Variants in RRP1 observed in about 807,000 individuals in gnomAD.
The protein encoded by RRP1 is ribosomal RNA processing protein 1 homolog A.
RRP1 carries 37 observed loss-of-function variants against 54.6 expected under a neutral mutation model. That is an observed-to-expected ratio of 0.68 (90% CI 0.52 to 0.89). The LOEUF (loss-of-function observed/expected upper bound fraction) is 0.89, where lower values mean the gene tolerates loss of function less well. Among genes scored for constraint, RRP1 ranks in the 40% least tolerant of loss-of-function variants. The probability of loss-of-function intolerance (pLI) is 0.00; values close to 1 mark genes in which losing one functional copy is unlikely to be tolerated. For synonymous variants in RRP1, 262 were observed against 244.3 expected, an observed-to-expected ratio of 1.07 and a Z score of -0.67; for missense variants, 639 against 612.5, an observed-to-expected ratio of 1.04 and a Z score of -0.46.
chr21:43,791,008 A>G (rs1378413808), intron 1 of RRP1: 10 of 474,334 alleles, frequency 2.1e-5, no homozygotes, highest in Admixed American at 2.1e-4. Context: ...ATGAATTATC[A>G]CCAACAGATT....
At chr21:43,802,191 G>C (rs2085100740) in intron 11 of RRP1, 83 bp from the exon 12 acceptor site, 14 of 955,066 alleles carry the variant, frequency 1.5e-5, no homozygotes, top group African/African-American at 3.2e-5. Flanking sequence ...GGTGGTGCTG[G>C]CTGGGGCCTG....
intron 5 of RRP1, among the ~76,000 whole-genome samples, chr21:43,797,193 G>T (rs1296233003): frequency 1.3e-5 from 2 of 152,186 alleles, no homozygotes. Context: ...ATACGTTCTG[G>T]TGGTGGTGCT....
chr21:43,803,528 G>GC lies in RRP1; in HGVS notation c.1145dup (p.Ser383GlufsTer26). On this transcript the variant is annotated frameshift_variant, in exon 13 of 13. Coordinates refer to ENST00000497547, the MANE Select transcript of RRP1 (RefSeq NM_003683.6). LOFTEE classifies it low-confidence loss of function (END_TRUNC). ...TTTTGTCAGGGAAAGGTGAGAAGGAGCCCCCGAGCCCGGGCATGGAGAGGA... is the reference window on the plus strand; with the variant it reads ...TTTTGTCAGGGAAAGGTGAGAAGGAGCCCCCCGAGCCCGGGCATGGAGAGGA... The GC allele has an allele frequency of 6.4e-7, 1 of 1,556,168 alleles. No individual in the cohort carries two copies. Among genetic ancestry groups the GC allele is most frequent in the Non-Finnish European group, 8.7e-7 (1 of 1,149,034 alleles).
intron 1 of RRP1, chr21:43,790,670 C>T: frequency 4.3e-6 from 1 of 234,112 alleles, no homozygotes; most frequent in Non-Finnish European, 8.6e-6. Context: ...TCACTGCAGC[C>T]TCTACCTCCC....
intron 1 of RRP1, chr21:43,791,103 T>C (rs1044474053): frequency 1.7e-6 from 1 of 602,536 alleles, no homozygotes; most frequent in Admixed American, 2.1e-5. Flanking sequence ...CCTGATACCT[T>C]GTAGATCTCA....
At chr21:43,803,153 G>T (rs1273854640) in intron 12 of RRP1, among the ~76,000 whole-genome samples, 2 of 152,200 alleles carry the variant, frequency 1.3e-5, no homozygotes, top group African/African-American at 2.4e-5. Flanking sequence ...TTTGTAGCCG[G>T]CCCTTGGCTG....
At chr21:43,795,310 T>C in intron 5 of RRP1, 60 bp downstream of exon 5, 1 of 1,514,550 alleles carries the variant, frequency 6.6e-7, no homozygotes, top group African/African-American at 1.4e-5. Flanking sequence ...CAGTCGTGTT[T>C]GTCATTTGAT....
At chr21:43,800,459 C>T in intron 9 of RRP1, 58 bp from the exon 10 acceptor site, 4 of 1,551,832 alleles carry the variant, frequency 2.6e-6, no homozygotes, top group Non-Finnish European at 3.6e-6. Context: ...GTTCCACGTT[C>T]TCGGAGCACG....
intron 3 of RRP1, 179 bp from the exon 4 acceptor site, chr21:43,793,140 C>T (rs561481301): frequency 3.2e-6 from 2 of 616,968 alleles, no homozygotes; most frequent in Admixed American, 3.0e-5. Context: ...TGAGGAGCCT[C>T]TAAAAATCCT....
chr21:43,797,669 C>A lies in RRP1; in HGVS notation c.591C>A (p.Phe197Leu). The A allele has an allele frequency of 6.2e-7, 1 of 1,614,110 alleles. No individual in the cohort carries two copies. Residue 197 changes from phenylalanine to leucine, a missense_variant, in exon 7 of 13, where the codon TTC (phenylalanine) becomes TTA (leucine). Physicochemically the swap from Phe to Leu is conservative, Grantham distance 22 (BLOSUM62 0). Transcript: ENST00000497547. ...ADQNLKFIDP[F>L]CRIAARTKDS... is the part of the protein sequence containing the mutation. ...AGAACCTGAAGTTCATCGACCCCTT[C>A]TGCAGAATTGCTGCCCGGACCAAGG... is the stretch of plus-strand genomic sequence containing the variant.
intron 8 of RRP1, 83 bp from the exon 9 acceptor site, chr21:43,799,487 C>A: frequency 7.4e-7 from 1 of 1,343,176 alleles, no homozygotes. Context: ...CCAGGGTGCA[C>A]GGAGCGGGCT....
chr21:43,802,244 G>T, intron 11 of RRP1, 30 bp from the exon 12 acceptor site: 2 of 1,549,640 alleles, frequency 1.3e-6, no homozygotes, highest in South Asian at 1.1e-5. Flanking sequence ...CAGCCCCCGA[G>T]AGCCCCCTGA....
Position 43,793,394 on chromosome 21 carries a change from A to G in RRP1, c.350A>G (p.Lys117Arg), listed in dbSNP as rs761572987. 1.1e-5 allele frequency: 17 copies of G among 1,613,454 alleles called. No homozygotes were observed. Among genetic ancestry groups the G allele is most frequent in the African/African-American group, 1.3e-5 (1 of 75,042 alleles). The change falls in exon 4 of 13, where the codon AAA (lysine) becomes AGA (arginine). Residue 117 changes from lysine to arginine, a missense_variant. Transcript: ENST00000497547. ...WTGIDRLRLD[K>R]FYMLMRMVLN... ...GGCATTGACAGGCTGCGCCTGGATA[A>G]ATTCTACATGGTGAGGCAGCCACCA... is the stretch of plus-strand genomic sequence containing the variant.
In RRP1 at chr21:43,797,340, G is replaced by A. The variant is rs1385606231; in HGVS notation, c.423-82G>A. On this transcript the variant is annotated intron_variant, in intron 5 of 12. Transcript: ENST00000497547. ...CCCGCACTTAGGTTCCCATCAGAGC[G>A]TGTAACCATGGGAGAGTGGGGGGCA... 1.8e-5 allele frequency: 28 copies of A among 1,525,632 alleles called. No homozygotes were observed. In the East Asian group the frequency reaches 3.9e-4, roughly 21 times the overall value. 94.5% of individuals were successfully genotyped at this position (1,525,632 alleles called of 1,614,324 possible). A position where few individuals can be genotyped will look rare whatever the true frequency, so the allele number is the denominator to read the frequency against.
At chr21:43,796,042 G>C (rs2085015549) in intron 5 of RRP1, among the ~76,000 whole-genome samples, 1 of 152,072 alleles carries the variant, frequency 6.6e-6, no homozygotes, top group Non-Finnish European at 1.5e-5. Flanking sequence ...TGGGTTAAGG[G>C]GATCTCTTGA....
At position 43,789,579 on chromosome 21, in the gene RRP1, TGTGCTGGGTACCAGGCGACTCCGG is replaced by T; in HGVS notation, c.-49_-26del. ...GCGGGCGCAGGAGGCGCGTGCTCAG[TGTGCTGGGTACCAGGCGACTCCGG>T]GACAGGGGGTCTCGGCCGTCGGCGT... On this transcript the variant is annotated 5_prime_UTR_variant, in exon 1 of 13. Coordinates refer to ENST00000497547, the MANE Select transcript of RRP1 (RefSeq NM_003683.6). The T allele has an allele frequency of 5.2e-6, 8 of 1,549,302 alleles. No individual in the cohort carries two copies. Among genetic ancestry groups the T allele is most frequent in the Non-Finnish European group, 6.9e-6 (8 of 1,151,322 alleles).
At chr21:43,791,252 A>G in intron 1 of RRP1, 98 bp from the exon 2 acceptor site, 2 of 1,257,924 alleles carry the variant, frequency 1.6e-6, no homozygotes, top group Middle Eastern at 1.9e-4. Context: ...CGTAAGTGGG[A>G]CTTTGGTCTC....
intron 7 of RRP1, 42 bp from the exon 8 acceptor site, chr21:43,797,865 A>T (rs2085039019): frequency 6.3e-7 from 1 of 1,592,958 alleles, no homozygotes; most frequent in African/African-American, 1.3e-5. Context: ...TTGGGAATCC[A>T]GCATAACGGG....
intron 11 of RRP1, 61 bp from the exon 12 acceptor site, chr21:43,802,213 G>A (rs776307888): frequency 4.9e-6 from 6 of 1,223,364 alleles, no homozygotes; most frequent in African/African-American, 3.0e-5. Context: ...TGGAAGCAGC[G>A]AGCCTCAAAC....
Sources: gnomAD v4.1 joint callset for allele counts (sites outside exome capture counted in the v4.1 genomes callset) on GRCh38, gnomAD v4.1.1 for gene constraint, MANE v1.5 for transcripts, NCBI Gene and HGNC (gene_info 2026-07-23, HGNC 2026-07-21) for gene names.